Variants in CGNL1 observed in about 807,000 individuals in gnomAD.
CGNL1 encodes cingulin-like protein 1.
In CGNL1, 132 loss-of-function variants were observed where a neutral mutation model predicts 141.2. The observed-to-expected ratio is 0.93, with a 90% confidence interval of 0.81 to 1.08. The LOEUF (loss-of-function observed/expected upper bound fraction) is 1.08, where lower values mean the gene tolerates loss of function less well. Ranked by LOEUF, CGNL1 falls within the 50% of genes least tolerant of loss-of-function variation. The pLI is 0.00. For missense variants in CGNL1, 1,870 were observed against 1,588.6 expected, an observed-to-expected ratio of 1.18 and a Z score of -3.01; for synonymous variants, 690 against 622.1, an observed-to-expected ratio of 1.11 and a Z score of -1.63.
At chr15:57,528,892 TCTCAG>T in intron 13 of CGNL1, 77 bp downstream of exon 13, 1 of 1,484,230 alleles carries the variant, frequency 6.7e-7, no homozygotes, top group Non-Finnish European at 9.1e-7. Context: ...GCCTCTTTGC[TCTCAG>T]CTCAGCCTTT....
intron 8 of CGNL1, among the ~76,000 whole-genome samples, chr15:57,469,579 G>T (rs1280379): frequency 0.98 from 148,423 of 152,158 alleles, 72,408 homozygotes; most frequent in Non-Finnish European, 0.98. Flanking sequence ...TTTTGCATTA[G>T]ACATGTCCAT....
At chr15:57,486,209 T>C (rs28651088) in intron 8 of CGNL1, among the ~76,000 whole-genome samples, 5,340 of 152,234 alleles carry the variant, frequency 0.035, 309 homozygotes, top group African/African-American at 0.12. Context: ...CTAATAGATG[T>C]GGTCAAGGAA....
At chr15:57,512,986 A>G (rs11630740) in intron 8 of CGNL1, among the ~76,000 whole-genome samples, 23,923 of 151,744 alleles carry the variant, frequency 0.16, 2,330 homozygotes, top group East Asian at 0.46. Context: ...GATATAATTC[A>G]TATAGCATAT....
chr15:57,523,416 T>TGCCACCCG, intron 10 of CGNL1, 73 bp from the exon 11 acceptor site: 7 of 1,418,762 alleles, frequency 4.9e-6, no homozygotes, highest in Non-Finnish European at 5.9e-6. Context: ...GACTATGAAG[T>TGCCACCCG]TCCCTGTGCC....
At chr15:57,411,667 A>T in intron 1 of CGNL1, among the ~76,000 whole-genome samples, 1 of 150,626 alleles carries the variant, frequency 6.6e-6, no homozygotes. Context: ...CTGGTCTCCA[A>T]CTCTTGACTT....
At chr15:57,383,701 C>A (rs2062452341) in intron 1 of CGNL1, among the ~76,000 whole-genome samples, 1 of 151,124 alleles carries the variant, frequency 6.6e-6, no homozygotes, top group Non-Finnish European at 1.5e-5. Context: ...CAGTTCACTG[C>A]AGCCTCAACC....
At chr15:57,503,825 A>C (rs146369672) in intron 8 of CGNL1, among the ~76,000 whole-genome samples, 1,591 of 152,270 alleles carry the variant, frequency 0.01, 37 homozygotes, top group African/African-American at 0.036. Context: ...CTTGTTCACT[A>C]TCATGAGACT....
chr15:57,472,406 G>C (rs943605058), intron 8 of CGNL1, among the ~76,000 whole-genome samples: 1 of 152,180 alleles, frequency 6.6e-6, no homozygotes, highest in Admixed American at 6.5e-5. Flanking sequence ...CCGAAGGACA[G>C]ATTTTTAGAG....
intron 8 of CGNL1, among the ~76,000 whole-genome samples, chr15:57,490,092 A>G (rs1464528765): frequency 1.3e-5 from 2 of 152,134 alleles, no homozygotes; most frequent in African/African-American, 2.4e-5. Context: ...ACTTTTACAC[A>G]TGGACAACAG....
intron 1 of CGNL1, among the ~76,000 whole-genome samples, chr15:57,404,602 C>T (rs1436317830): frequency 6.6e-6 from 1 of 152,096 alleles, no homozygotes; most frequent in Non-Finnish European, 1.5e-5. Context: ...CTGTGGGTTC[C>T]CAGAGAGCCC....
chr15:57,461,294 T>C (rs1214329959), intron 7 of CGNL1, among the ~76,000 whole-genome samples: 2 of 152,056 alleles, frequency 1.3e-5, no homozygotes, highest in East Asian at 3.9e-4. Flanking sequence ...TGAAGCAAGG[T>C]AGGCAAGCTG....
In CGNL1 at chr15:57,440,346, T is replaced by G. The variant is rs1309529342; in HGVS notation, c.1603-31T>G. On this transcript the variant is annotated intron_variant, in intron 2 of 18. Coordinates refer to ENST00000281282, the MANE Select transcript of CGNL1 (RefSeq NM_032866.5). ...TTGGAAGCCTCTGGGAACTTCATCC[T>G]CATGGTCTAACAACAGGCCTTATGT... 4.6e-6 allele frequency: 7 copies of G among 1,536,858 alleles called. No homozygotes were observed. In the African/African-American group the frequency reaches 6.8e-5, roughly 15 times the overall value.
chr15:57,543,052 A>AT (rs1270904134), intron 14 of CGNL1, among the ~76,000 whole-genome samples: 3 of 152,102 alleles, frequency 2.0e-5, no homozygotes, highest in Admixed American at 2.0e-4. Context: ...ACAGAAATCT[A>AT]TTGTCTCATG....
At chr15:57,478,202 G>C (rs1393912069) in intron 8 of CGNL1, 1 of 152,196 alleles carries the variant, frequency 6.6e-6, no homozygotes, top group African/African-American at 2.4e-5. Flanking sequence ...ACAAGGTCAG[G>C]GGCCTGTCTC....
chr15:57,385,170 T>C (rs1268052315), intron 1 of CGNL1, among the ~76,000 whole-genome samples: 2 of 152,240 alleles, frequency 1.3e-5, no homozygotes, highest in South Asian at 2.1e-4. Context: ...GAGGACCAAA[T>C]ACCTGGTAAG....
chr15:57,475,827 A>G (rs1024554834), intron 8 of CGNL1, among the ~76,000 whole-genome samples: 42 of 151,958 alleles, frequency 2.8e-4, no homozygotes, highest in African/African-American at 8.2e-4. Flanking sequence ...TCTGTCCCCA[A>G]CATCCTTCAC....
intron 3 of CGNL1, among the ~76,000 whole-genome samples, chr15:57,441,073 C>CA (rs11301544): frequency 6.0e-4 from 84 of 138,930 alleles, no homozygotes; most frequent in South Asian, 1.9e-3. Flanking sequence ...AGAGGAAGGA[C>CA]AAAAAAAAAA....
At chr15:57,503,548 G>T (rs1208449936) in intron 8 of CGNL1, among the ~76,000 whole-genome samples, 1 of 152,150 alleles carries the variant, frequency 6.6e-6, no homozygotes, top group South Asian at 2.1e-4. Flanking sequence ...ATCAGCCTGC[G>T]GTGTTCCAGG....
At chr15:57,542,836 A>G (rs2032638062) in intron 14 of CGNL1, among the ~76,000 whole-genome samples, 1 of 152,182 alleles carries the variant, frequency 6.6e-6, no homozygotes, top group South Asian at 2.1e-4. Flanking sequence ...GCCTGAGAAC[A>G]TCCTCAGTCC....
Sources: gnomAD v4.1 joint callset for allele counts (sites outside exome capture counted in the v4.1 genomes callset) on GRCh38, gnomAD v4.1.1 for gene constraint, MANE v1.5 for transcripts, NCBI Gene and HGNC (gene_info 2026-07-23, HGNC 2026-07-21) for gene names.